Variants in BMPR1B observed in about 807,000 individuals in gnomAD.
BMPR1B encodes bone morphogenetic protein receptor type-1B.
A neutral mutation model predicts 59.1 loss-of-function variants in BMPR1B; 12 were observed. The observed-to-expected ratio is 0.20, with a 90% CI of 0.13 to 0.33. The LOEUF is 0.33. Ranked by LOEUF, BMPR1B falls within the 10% of genes least tolerant of loss-of-function variation. The pLI, the probability that BMPR1B is intolerant of heterozygous loss-of-function variation, is 1.00. For missense variants in BMPR1B, 550 were observed against 610.9 expected, an observed-to-expected ratio of 0.90 and a Z score of 1.05; for synonymous variants, 237 against 207.3, an observed-to-expected ratio of 1.14 and a Z score of -1.23.
At chr4:95,091,600 C>T (rs992953321) in intron 3 of BMPR1B, 2 of 985,058 alleles carry the variant, frequency 2.0e-6, no homozygotes, top group African/African-American at 1.7e-5. Context: ...AGCCTGGCAA[C>T]CATATATCAA....
intron 2 of BMPR1B, among the ~76,000 whole-genome samples, chr4:94,933,978 A>G (rs1729192379): frequency 6.6e-6 from 1 of 152,132 alleles, no homozygotes; most frequent in South Asian, 2.1e-4. Context: ...GCTCTGTTGT[A>G]TTTCCAACTA....
chr4:95,133,368 T>C (rs143286751), intron 10 of BMPR1B, among the ~76,000 whole-genome samples: 1 of 152,340 alleles, frequency 6.6e-6, no homozygotes, highest in Non-Finnish European at 1.5e-5. Flanking sequence ...TGCAGTGGAC[T>C]CTTTTCTTTT....
At chr4:95,134,874 CATTTGTCA>C (rs1327335525) in intron 10 of BMPR1B, among the ~76,000 whole-genome samples, 2 of 152,182 alleles carry the variant, frequency 1.3e-5, no homozygotes, top group Non-Finnish European at 2.9e-5. Context: ...AATTAGATCC[CATTTGTCA>C]ATTTTGGCTT....
intron 1 of BMPR1B, among the ~76,000 whole-genome samples, chr4:94,863,452 G>A (rs115477181): frequency 2.2e-3 from 340 of 152,342 alleles, no homozygotes; most frequent in African/African-American, 7.6e-3. Flanking sequence ...GTGGGACAGT[G>A]AACACTGCTC....
chr4:94,773,729 A>T (rs2110575729), intron 1 of BMPR1B, among the ~76,000 whole-genome samples: 1 of 152,218 alleles, frequency 6.6e-6, no homozygotes, highest in Non-Finnish European at 1.5e-5. Flanking sequence ...AGTTTCTGTG[A>T]TTACAAATTT....
intron 3 of BMPR1B, among the ~76,000 whole-genome samples, chr4:95,079,327 T>A (rs1728940318): frequency 6.6e-6 from 1 of 152,190 alleles, no homozygotes; most frequent in South Asian, 2.1e-4. Flanking sequence ...GAAAACTTTA[T>A]CACGTGCGTG....
chr4:94,816,261 T>G (rs1724007151), intron 1 of BMPR1B, among the ~76,000 whole-genome samples: 1 of 152,110 alleles, frequency 6.6e-6, no homozygotes, highest in African/African-American at 2.4e-5. Flanking sequence ...ATTCTCCTGC[T>G]TCAGCCTCCC....
At chr4:94,878,551 C>T (rs571830472) in intron 2 of BMPR1B, among the ~76,000 whole-genome samples, 3 of 152,162 alleles carry the variant, frequency 2.0e-5, no homozygotes, top group East Asian at 1.9e-4. Context: ...GGCTGCTGTG[C>T]GTCTCCTAAT....
chr4:94,840,953 C>A (rs1296694696), intron 1 of BMPR1B, among the ~76,000 whole-genome samples: 1 of 146,568 alleles, frequency 6.8e-6, no homozygotes, highest in Non-Finnish European at 1.5e-5. Context: ...TGTGGATGTC[C>A]TTTCTGTTTG....
chr4:94,993,712 G>C (rs1400538375), intron 2 of BMPR1B, among the ~76,000 whole-genome samples: 5 of 129,534 alleles, frequency 3.9e-5, no homozygotes, highest in Non-Finnish European at 7.8e-5. Flanking sequence ...AGTGAGCCAA[G>C]TTAGTGTCAC....
chr4:95,091,253 C>T (rs1476944128), intron 3 of BMPR1B, among the ~76,000 whole-genome samples: 1 of 151,136 alleles, frequency 6.6e-6, no homozygotes, highest in Non-Finnish European at 1.5e-5. Context: ...TTTTTCTTTT[C>T]TTTCTTTTTT....
chr4:95,006,687 G>T (rs1021064266), intron 3 of BMPR1B, among the ~76,000 whole-genome samples: 1 of 151,426 alleles, frequency 6.6e-6, no homozygotes, highest in African/African-American at 2.4e-5. Context: ...GATTACAGGC[G>T]CACCACCACA....
At chr4:94,804,989 A>G (rs898902690) in intron 1 of BMPR1B, among the ~76,000 whole-genome samples, 6 of 152,182 alleles carry the variant, frequency 3.9e-5, no homozygotes, top group African/African-American at 1.2e-4. Flanking sequence ...AATAGCCAGG[A>G]TGTACACTTT....
At chr4:94,759,372 A>G (rs1175131049) in intron 1 of BMPR1B, among the ~76,000 whole-genome samples, 1 of 152,262 alleles carries the variant, frequency 6.6e-6, no homozygotes, top group Non-Finnish European at 1.5e-5. Context: ...TGAGTTCTGC[A>G]AAGAAACATA....
At chr4:95,096,461 A>G (rs1221768157) in intron 3 of BMPR1B, among the ~76,000 whole-genome samples, 1 of 151,282 alleles carries the variant, frequency 6.6e-6, no homozygotes, top group Non-Finnish European at 1.5e-5. Flanking sequence ...TCTATTTCTA[A>G]AGAAATATTC....
At chr4:94,864,799 C>T (rs927088777) in intron 1 of BMPR1B, among the ~76,000 whole-genome samples, 14 of 152,140 alleles carry the variant, frequency 9.2e-5, no homozygotes, top group South Asian at 2.1e-4. Context: ...ACATGTTCAG[C>T]GCAGACACAG....
intron 3 of BMPR1B, among the ~76,000 whole-genome samples, chr4:95,079,443 T>C (rs1728953632): frequency 1.0e-5 from 1 of 96,824 alleles, no homozygotes; most frequent in Non-Finnish European, 2.3e-5. Flanking sequence ...ATTCTAAATA[T>C]TTCATGTAGA....
At chr4:95,109,016 T>C (rs748235571) in intron 4 of BMPR1B, among the ~76,000 whole-genome samples, 1 of 152,122 alleles carries the variant, frequency 6.6e-6, no homozygotes, top group African/African-American at 2.4e-5. Flanking sequence ...TATATATTTT[T>C]TCTCTATATA....
intron 3 of BMPR1B, among the ~76,000 whole-genome samples, chr4:95,017,723 T>A (rs564567566): frequency 6.6e-6 from 1 of 152,322 alleles, no homozygotes; most frequent in Admixed American, 6.5e-5. Flanking sequence ...TTATTCCCAT[T>A]TTTCAATGTG....
Sources: allele counts gnomAD v4.1 joint callset (sites outside exome capture counted in the v4.1 genomes callset), GRCh38; gene constraint gnomAD v4.1.1; transcripts MANE v1.5; gene names NCBI Gene and HGNC (gene_info 2026-07-23, HGNC 2026-07-21).